Variants in EPHA4 observed in about 807,000 individuals in gnomAD.
EPHA4 encodes ephrin type-A receptor 4.
In EPHA4, 19 loss-of-function variants were observed where a neutral mutation model predicts 108.3. That is an observed-to-expected ratio of 0.18 (90% CI 0.12 to 0.26). The LOEUF (loss-of-function observed/expected upper bound fraction) is 0.26. EPHA4 is among the 10% of genes least tolerant of loss of function. EPHA4 has a pLI of 1.00. For synonymous variants in EPHA4, 449 were observed against 455.5 expected (o/e 0.99, Z 0.18); for missense variants, 917 against 1,254.0 (o/e 0.73, Z 4.06).
At chr2:221,490,765 G>A (rs1206422034) in intron 4 of EPHA4, among the ~76,000 whole-genome samples, 4 of 152,138 alleles carry the variant, frequency 2.6e-5, no homozygotes, top group African/African-American at 7.2e-5. Flanking sequence ...GATGCATTAC[G>A]TTTTGACTCT....
intron 9 of EPHA4, among the ~76,000 whole-genome samples, chr2:221,445,227 GA>G (rs1262013906): frequency 6.6e-6 from 1 of 152,174 alleles, no homozygotes; most frequent in East Asian, 1.9e-4. Context: ...TGCAGATATA[GA>G]ACAATGTTAT....
intron 5 of EPHA4, among the ~76,000 whole-genome samples, chr2:221,477,695 T>C (rs1233201725): frequency 6.6e-6 from 1 of 152,162 alleles, no homozygotes; most frequent in Non-Finnish European, 1.5e-5. Context: ...TGCTGAAGCA[T>C]TTGGAGAATG....
At chr2:221,556,336 G>A (rs1365823562) in intron 3 of EPHA4, among the ~76,000 whole-genome samples, 1 of 151,860 alleles carries the variant, frequency 6.6e-6, no homozygotes, top group Non-Finnish European at 1.5e-5. Context: ...TCGCTGTATC[G>A]CCCAGGCTGG....
chr2:221,443,025 G>A lies in EPHA4; in HGVS notation c.1889-11C>T. On this transcript the variant is annotated splice_polypyrimidine_tract_variant and intron_variant, in intron 10 of 17. Transcript: ENST00000281821. ...CCTCACCAAATTCACCTTTGAGAGAGAAAAAGAATCTACGATGGACCAGAA... is the reference window on the plus strand; with the variant it reads ...CCTCACCAAATTCACCTTTGAGAGAAAAAAAGAATCTACGATGGACCAGAA... The A allele has an allele frequency of 6.2e-7, 1 of 1,609,946 alleles. No individual in the cohort carries two copies. Among genetic ancestry groups the A allele is most frequent in the Non-Finnish European group, 8.5e-7 (1 of 1,178,526 alleles).
chr2:221,537,226 A>C (rs1693700040), intron 3 of EPHA4, among the ~76,000 whole-genome samples: 3 of 152,216 alleles, frequency 2.0e-5, no homozygotes, highest in African/African-American at 7.2e-5. Flanking sequence ...AGCTAAATCC[A>C]AGGATGCTGG....
chr2:221,479,814 C>T (rs1205891085), intron 5 of EPHA4, among the ~76,000 whole-genome samples: 1 of 152,150 alleles, frequency 6.6e-6, no homozygotes, highest in Non-Finnish European at 1.5e-5. Context: ...TCTGGCTGGC[C>T]ACATAGGAGG....
At chr2:221,522,761 ATTATTATTATTATTT>A (rs1693204977) in intron 3 of EPHA4, among the ~76,000 whole-genome samples, 2 of 56,452 alleles carry the variant, frequency 3.5e-5, no homozygotes, top group Admixed American at 3.8e-4. Flanking sequence ...TATTATTATT[ATTATTATTATTATTT>A]TTTTGAGACG....
chr2:221,435,283 G>A (rs1293333987), intron 13 of EPHA4, among the ~76,000 whole-genome samples: 1 of 152,086 alleles, frequency 6.6e-6, no homozygotes, highest in African/African-American at 2.4e-5. Flanking sequence ...TTTGGCTAAG[G>A]TTTTATCTAT....
intron 11 of EPHA4, among the ~76,000 whole-genome samples, chr2:221,442,011 T>C (rs935552773): frequency 6.6e-6 from 1 of 152,190 alleles, no homozygotes; most frequent in African/African-American, 2.4e-5. Flanking sequence ...ACACGCTGAC[T>C]GAAGATGCTT....
chr2:221,553,936 G>A (rs1459742603), intron 3 of EPHA4, among the ~76,000 whole-genome samples: 1 of 152,160 alleles, frequency 6.6e-6, no homozygotes, highest in Non-Finnish European at 1.5e-5. Flanking sequence ...GCTTTGTACT[G>A]GTGCAGAAAA....
chr2:221,517,552 G>C (rs912194724), intron 3 of EPHA4, among the ~76,000 whole-genome samples: 1 of 152,164 alleles, frequency 6.6e-6, no homozygotes, highest in African/African-American at 2.4e-5. Flanking sequence ...ACCTGGACCA[G>C]GGTGGAGGAG....
At chr2:221,465,531 C>T (rs981271785) in intron 5 of EPHA4, among the ~76,000 whole-genome samples, 2 of 152,166 alleles carry the variant, frequency 1.3e-5, no homozygotes, top group African/African-American at 4.8e-5. Flanking sequence ...TGTGAGATCC[C>T]TTCCCTTCTA....
At position 221,438,156 on chromosome 2, in the gene EPHA4, C is replaced by T. The variant is rs1291636090; in HGVS notation, c.2075-1034G>A. Among the ~76,000 whole-genome samples, 9 of 151,964 alleles carry T rather than the reference C, an allele frequency of 5.9e-5. No homozygotes were observed. In the East Asian group the frequency reaches 1.6e-3, roughly 26 times the overall value. On this transcript the variant is annotated intron_variant, in intron 11 of 17. Transcript: ENST00000281821. ...AATTTAAATTCAATACTAGAACATCCTTATTTCCCCCATTCCCCCTACCTA... is the reference window on the plus strand; with the variant it reads ...AATTTAAATTCAATACTAGAACATCTTTATTTCCCCCATTCCCCCTACCTA...
intron 3 of EPHA4, among the ~76,000 whole-genome samples, chr2:221,537,419 C>T (rs902950165): frequency 3.3e-5 from 5 of 152,212 alleles, no homozygotes; most frequent in African/African-American, 1.2e-4. Flanking sequence ...ATAGCCTGGT[C>T]AGTGAATTAT....
intron 13 of EPHA4, among the ~76,000 whole-genome samples, chr2:221,435,084 C>T (rs1162184912): frequency 6.6e-6 from 1 of 152,114 alleles, no homozygotes; most frequent in Admixed American, 6.5e-5. Flanking sequence ...ATTCAGACCC[C>T]TGAGGTATCC....
At chr2:221,435,092 TC>T (rs1236082374) in intron 13 of EPHA4, among the ~76,000 whole-genome samples, 10 of 152,130 alleles carry the variant, frequency 6.6e-5, no homozygotes, top group African/African-American at 2.2e-4. Flanking sequence ...CCCTGAGGTA[TC>T]CCCAGGGCTA....
chr2:221,517,646 T>TA lies in EPHA4; in HGVS notation c.824-16475_824-16474insT, dbSNP rs564484814. On this transcript the variant is annotated intron_variant, in intron 3 of 17. Coordinates refer to ENST00000281821, the MANE Select transcript of EPHA4 (RefSeq NM_004438.5). ...CTCACAGTTGCAGGGCATTTTTTTTTTTTAAGTGGACTTAAGATTCCAAAC... is the reference window on the plus strand; with the variant it reads ...CTCACAGTTGCAGGGCATTTTTTTTTATTTAAGTGGACTTAAGATTCCAAAC... Among the ~76,000 whole-genome samples the TA allele has an allele frequency of 4.4e-3, 667 of 152,088 alleles. 2 individuals carry two copies. Among genetic ancestry groups the TA allele is most frequent in the Non-Finnish European group, 6.6e-3 (452 of 67,976 alleles).
intron 3 of EPHA4, among the ~76,000 whole-genome samples, chr2:221,505,650 T>C (rs1257925081): frequency 6.6e-6 from 1 of 152,188 alleles, no homozygotes. Flanking sequence ...ATGTGGCTAC[T>C]GAAACACTTA....
At chr2:221,560,008 G>A (rs1476028222) in intron 3 of EPHA4, among the ~76,000 whole-genome samples, 2 of 152,176 alleles carry the variant, frequency 1.3e-5, no homozygotes, top group Admixed American at 1.3e-4. Context: ...ACTGCTGGGG[G>A]TAGGAACTGC....
Sources: gnomAD v4.1 joint callset for allele counts (sites outside exome capture counted in the v4.1 genomes callset) on GRCh38, gnomAD v4.1.1 for gene constraint, MANE v1.5 for transcripts, NCBI Gene and HGNC (gene_info 2026-07-23, HGNC 2026-07-21) for gene names.